C5: variants seen among roughly 807,000 people sequenced by gnomAD.
The protein encoded by C5 is C3 and PZP-like alpha-2-macroglobulin domain-containing protein 4.
In C5, 140 loss-of-function variants were observed where a neutral mutation model predicts 218.8. That is an observed-to-expected ratio of 0.64 (90% confidence interval 0.56 to 0.74). The LOEUF (loss-of-function observed/expected upper bound fraction) is 0.74, where lower values mean the gene tolerates loss of function less well. Ranked by LOEUF, C5 falls within the 30% of genes least tolerant of loss-of-function variation. The probability of loss-of-function intolerance (pLI) is 0.00; values close to 1 mark genes in which losing one functional copy is unlikely to be tolerated. For missense variants in C5, 1,700 were observed against 1,969.6 expected (o/e 0.86, Z 2.59); for synonymous variants, 614 against 682.3 (o/e 0.90, Z 1.56).
chr9:120,997,917 C>T, intron 20 of C5, 143 bp from the exon 21 acceptor site: 1 of 675,338 alleles, frequency 1.5e-6, no homozygotes, highest in Non-Finnish European at 2.5e-6. Context: ...ATTCTCCTGC[C>T]TCAGCCTCCT....
chr9:121,057,122 C>T, the C5 span, among the ~76,000 whole-genome samples: 1 of 152,068 alleles, frequency 6.6e-6, no homozygotes, highest in Admixed American at 6.6e-5. Flanking sequence ...AATATTATAT[C>T]CAGCACAATT....
chr9:120,956,275 C>T (rs945596371), intron 39 of C5, among the ~76,000 whole-genome samples: 27 of 151,738 alleles, frequency 1.8e-4, no homozygotes, highest in African/African-American at 6.3e-4. Flanking sequence ...GCCTGGGTGA[C>T]AGAGTGAAAC....
intron 21 of C5, among the ~76,000 whole-genome samples, chr9:120,996,955 A>T (rs1434111931): frequency 1.3e-5 from 2 of 151,742 alleles, no homozygotes; most frequent in Admixed American, 6.6e-5. Flanking sequence ...AAAATTACAT[A>T]AAAATATTAA....
At chr9:121,003,655 G>C (rs2047190879) in intron 20 of C5, among the ~76,000 whole-genome samples, 1 of 152,056 alleles carries the variant, frequency 6.6e-6, no homozygotes, top group Non-Finnish European at 1.5e-5. Flanking sequence ...CAAGATATAA[G>C]ATTAAAATAT....
intron 20 of C5, among the ~76,000 whole-genome samples, chr9:121,000,403 C>T (rs920876607): frequency 6.6e-6 from 1 of 152,068 alleles, no homozygotes; most frequent in South Asian, 2.1e-4. Context: ...AATAGTTATA[C>T]AATATAACCA....
At chr9:120,966,987 T>C (rs1371730674) in intron 33 of C5, among the ~76,000 whole-genome samples, 1 of 151,952 alleles carries the variant, frequency 6.6e-6, no homozygotes, top group African/African-American at 2.4e-5. Context: ...AGGCTGAGCG[T>C]GGTGGCTCAG....
At chr9:121,066,062 C>T in the C5 span, among the ~76,000 whole-genome samples, 1 of 151,856 alleles carries the variant, frequency 6.6e-6, no homozygotes, top group Non-Finnish European at 1.5e-5. Flanking sequence ...CGCCTGTAAT[C>T]CCAGCATTTT....
intron 25 of C5, 144 bp from the exon 26 acceptor site, chr9:120,982,958 G>T: frequency 3.4e-6 from 2 of 592,448 alleles, no homozygotes; most frequent in Non-Finnish European, 5.8e-6. Flanking sequence ...TACAAAGGAA[G>T]GGAAGATTTT....
intron 1 of C5, among the ~76,000 whole-genome samples, chr9:121,047,168 C>G (rs2047634681): frequency 6.6e-6 from 1 of 152,168 alleles, no homozygotes; most frequent in Admixed American, 6.5e-5. Flanking sequence ...GCCAATGATG[C>G]TGGTACTATC....
intron 16 of C5, 63 bp from the exon 17 acceptor site, chr9:121,014,133 G>A (rs963537624): frequency 7.2e-7 from 1 of 1,388,060 alleles, no homozygotes; most frequent in South Asian, 1.2e-5. Flanking sequence ...AGGCTTAGAA[G>A]GAATCTCAAG....
chr9:121,006,527 G>A (rs1310465461), intron 19 of C5, among the ~76,000 whole-genome samples: 1 of 152,118 alleles, frequency 6.6e-6, no homozygotes. Context: ...CAAGCTCCCA[G>A]TCAGTGAGAA....
At chr9:121,043,298 A>G in intron 2 of C5, 132 bp from the exon 3 acceptor site, 1 of 756,158 alleles carries the variant, frequency 1.3e-6, no homozygotes, top group Non-Finnish European at 2.1e-6. Context: ...GTGATACAGG[A>G]GCAAGAAGAG....
intron 10 of C5, 32 bp from the exon 11 acceptor site, chr9:121,021,726 A>T (rs760271579): frequency 1.3e-6 from 2 of 1,495,394 alleles, no homozygotes; most frequent in Non-Finnish European, 1.9e-6. Flanking sequence ...ATCTATTTCA[A>T]CAGCTCATCA....
At chr9:120,964,467 A>C (rs1199696267) in intron 33 of C5, among the ~76,000 whole-genome samples, 1 of 151,878 alleles carries the variant, frequency 6.6e-6, no homozygotes, top group East Asian at 1.9e-4. Context: ...ATCCCTCTTT[A>C]AAAGCAAACA....
At chr9:121,050,670 A>C (rs966452946), upstream of C5, among the ~76,000 whole-genome samples, 1 of 152,176 alleles carries the variant, frequency 6.6e-6, no homozygotes, top group African/African-American at 2.4e-5. Flanking sequence ...TCACACTGAA[A>C]TGATTTTAGA....
At chr9:120,964,166 T>A (rs1010101286) in intron 33 of C5, among the ~76,000 whole-genome samples, 1 of 152,222 alleles carries the variant, frequency 6.6e-6, no homozygotes, top group African/African-American at 2.4e-5. Flanking sequence ...AATAAACATG[T>A]CCAGGAAAAG....
At chr9:120,983,689 A>G (rs1394292422) in intron 25 of C5, among the ~76,000 whole-genome samples, 1 of 152,076 alleles carries the variant, frequency 6.6e-6, no homozygotes, top group Non-Finnish European at 1.5e-5. Context: ...GCAGGCACCT[A>G]TAGTCTCAGC....
chr9:121,053,645 G>A (rs556021455), upstream of C5, among the ~76,000 whole-genome samples: 5 of 152,262 alleles, frequency 3.3e-5, no homozygotes, highest in East Asian at 9.6e-4. Flanking sequence ...GGGGGTAGGG[G>A]GGAAGATCTC....
intron 11 of C5, among the ~76,000 whole-genome samples, chr9:121,020,737 T>C (rs959528658): frequency 1.3e-5 from 2 of 152,236 alleles, no homozygotes; most frequent in African/African-American, 2.4e-5. Flanking sequence ...GCTCATGCTC[T>C]GGAGTCAGGT....
Sources: allele counts gnomAD v4.1 joint callset (sites outside exome capture counted in the v4.1 genomes callset), GRCh38; gene constraint gnomAD v4.1.1; transcripts MANE v1.5; gene names NCBI Gene and HGNC (gene_info 2026-07-23, HGNC 2026-07-21).